The following MIPOL1 variants were observed in gnomAD, a reference collection of about 807,000 sequenced individuals.
MIPOL1 encodes the protein mirror-image polydactyly gene 1 protein.
In MIPOL1, 57 loss-of-function variants were observed where a neutral mutation model predicts 60.9. That is an observed-to-expected ratio of 0.94 (90% confidence interval 0.76 to 1.17). The LOEUF is 1.17. Among genes scored for constraint, MIPOL1 ranks in the 50% most tolerant of loss-of-function variants. The pLI is 0.00. For missense variants in MIPOL1, 551 were observed against 511.6 expected (o/e 1.08, Z -0.74); for synonymous variants, 179 against 168.8 (o/e 1.06, Z -0.47).
At chr14:37,363,042 C>T (rs2092334641) in intron 9 of MIPOL1, among the ~76,000 whole-genome samples, 1 of 152,090 alleles carries the variant, frequency 6.6e-6, no homozygotes, top group African/African-American at 2.4e-5. Context: ...GATTCCTTGC[C>T]ATGGGTTAGA....
At chr14:37,282,315 C>T (rs1478089800) in intron 6 of MIPOL1, among the ~76,000 whole-genome samples, 1 of 151,476 alleles carries the variant, frequency 6.6e-6, no homozygotes, top group East Asian at 1.9e-4. Context: ...GATATCGGCT[C>T]ACTGCAACCT....
At chr14:37,375,309 A>C (rs2092744901) in intron 10 of MIPOL1, among the ~76,000 whole-genome samples, 1 of 152,052 alleles carries the variant, frequency 6.6e-6, no homozygotes, top group Admixed American at 6.6e-5. Flanking sequence ...CCTTGGCTTA[A>C]GTGGTTCCCC....
At position 37,516,825 on chromosome 14, in the gene MIPOL1, C is replaced by G. The variant is rs913348598; in HGVS notation, c.1262+16687C>G. On this transcript the variant is annotated intron_variant, in intron 12 of 12. Coordinates refer to ENST00000684589, the MANE Select transcript of MIPOL1 (RefSeq NM_001388067.1). ...TAAACTATATTATACTTGGTTAGCA[C>G]TTTGTAGTTCATAAAATATTTAAGC... Among the ~76,000 whole-genome samples, 8 of 152,082 alleles carry G rather than the reference C, an allele frequency of 5.3e-5. No individual in the cohort carries two copies. In the East Asian group the frequency reaches 1.5e-3, roughly 29 times the overall value.
chr14:37,463,537 G>A (rs778489578), intron 11 of MIPOL1, among the ~76,000 whole-genome samples: 1 of 152,126 alleles, frequency 6.6e-6, no homozygotes, highest in African/African-American at 2.4e-5. Context: ...ACATGGTGTT[G>A]GAAAAATTGG....
At chr14:37,364,219 A>G (rs2092391665) in intron 9 of MIPOL1, among the ~76,000 whole-genome samples, 1 of 152,206 alleles carries the variant, frequency 6.6e-6, no homozygotes, top group Non-Finnish European at 1.5e-5. Flanking sequence ...TTCTACGTGG[A>G]TCACACTTGG....
intron 9 of MIPOL1, among the ~76,000 whole-genome samples, chr14:37,348,608 G>A (rs917167995): frequency 6.6e-6 from 1 of 151,570 alleles, no homozygotes; most frequent in Non-Finnish European, 1.5e-5. Context: ...CCTCTTAATG[G>A]TTATATATTA....
chr14:37,294,958 A>G (rs888725336), intron 7 of MIPOL1, among the ~76,000 whole-genome samples: 1 of 152,200 alleles, frequency 6.6e-6, no homozygotes, highest in African/African-American at 2.4e-5. Context: ...AGAGAACACC[A>G]CAAAGATACT....
At position 37,464,305 on chromosome 14, in the gene MIPOL1, C is replaced by G. The variant is rs141464497; in HGVS notation, c.1032-35603C>G. ...CTGCACTTGTGCATTTATCTCAACA[C>G]TAGTAGAGCCGTGGACTGAACCTAA... On this transcript the variant is annotated intron_variant, in intron 11 of 12. Transcript: ENST00000684589. 6.6e-3 allele frequency among the ~76,000 whole-genome samples: 1,004 copies of G among 152,224 alleles called. 4 individuals carry two copies. Among genetic ancestry groups the G allele is most frequent in the Non-Finnish European group, 0.011 (721 of 68,000 alleles).
At chr14:37,448,117 A>G (rs1406648480) in intron 11 of MIPOL1, among the ~76,000 whole-genome samples, 1 of 152,188 alleles carries the variant, frequency 6.6e-6, no homozygotes, top group Non-Finnish European at 1.5e-5. Flanking sequence ...CCAAAACGAA[A>G]ATATTTCTCT....
chr14:37,526,054 C>T (rs559582793), intron 12 of MIPOL1, among the ~76,000 whole-genome samples: 91 of 152,130 alleles, frequency 6.0e-4, no homozygotes, highest in African/African-American at 2.0e-3. Context: ...GAGAGTATGG[C>T]ATATCAAACG....
chr14:37,480,663 C>G (rs1441553792), intron 11 of MIPOL1, among the ~76,000 whole-genome samples: 1 of 152,128 alleles, frequency 6.6e-6, no homozygotes, highest in Admixed American at 6.6e-5. Context: ...AGGATGCCAG[C>G]TCTCACCATT....
chr14:37,467,700 A>G (rs1372047809), intron 11 of MIPOL1, among the ~76,000 whole-genome samples: 1 of 152,142 alleles, frequency 6.6e-6, no homozygotes, highest in Non-Finnish European at 1.5e-5. Context: ...TAACTAATTC[A>G]CAAATATTAA....
At chr14:37,396,007 A>G (rs978811402) in intron 10 of MIPOL1, among the ~76,000 whole-genome samples, 5 of 151,486 alleles carry the variant, frequency 3.3e-5, no homozygotes, top group African/African-American at 7.3e-5. Flanking sequence ...TTTACTTTCA[A>G]TGTTAGTACT....
intron 10 of MIPOL1, among the ~76,000 whole-genome samples, chr14:37,394,332 T>G (rs914863727): frequency 1.3e-5 from 2 of 151,730 alleles, no homozygotes; most frequent in Non-Finnish European, 2.9e-5. Context: ...TTTAAGGAAT[T>G]TTCACGCTGT....
chr14:37,551,079 T>A lies in MIPOL1; in HGVS notation c.*4108T>A, dbSNP rs1331672019. 2.0e-5 allele frequency: 3 copies of A among 152,138 alleles called. No homozygotes were observed. In the East Asian group the frequency reaches 5.8e-4, roughly 29 times the overall value. 9.4% of individuals were successfully genotyped at this position (152,138 alleles called of 1,614,324 possible). Reference sequence around the variant, plus strand: ...TGATATTCCTTTGCAGAAGTCTTAATATGCATAATTTTTAATCTAATTGTC... The same window carrying A: ...TGATATTCCTTTGCAGAAGTCTTAAAATGCATAATTTTTAATCTAATTGTC... On this transcript the variant is annotated 3_prime_UTR_variant, in exon 13 of 13. Transcript: ENST00000684589.
At position 37,315,842 on chromosome 14, in the gene MIPOL1, G is replaced by A. The variant is rs946549919; in HGVS notation, c.828+7323G>A. ...GTGGGACTAGATGAAACTGGGGAAA[G>A]CTCACCAAAGAGAAGAGGGGCTAAG... On this transcript the variant is annotated intron_variant, in intron 9 of 12. Coordinates refer to ENST00000684589, the MANE Select transcript of MIPOL1 (RefSeq NM_001388067.1). Among the ~76,000 whole-genome samples the A allele has an allele frequency of 2.3e-4, 35 of 152,156 alleles. 1 individual carries two copies. The highest frequency in any genetic ancestry group is 3.4e-3 in the Middle Eastern group (1 of 294).
At chr14:37,258,753 G>C (rs768355583) in intron 3 of MIPOL1, among the ~76,000 whole-genome samples, 4 of 151,926 alleles carry the variant, frequency 2.6e-5, no homozygotes, top group Admixed American at 2.0e-4. Flanking sequence ...AAATACTTAC[G>C]TACTTTAAAT....
At chr14:37,386,758 CTTAG>C (rs2093079667) in intron 10 of MIPOL1, among the ~76,000 whole-genome samples, 1 of 151,842 alleles carries the variant, frequency 6.6e-6, no homozygotes, top group Non-Finnish European at 1.5e-5. Flanking sequence ...GAATTAAGTG[CTTAG>C]TTAATTAATA....
At chr14:37,474,539 C>T (rs954513527) in intron 11 of MIPOL1, among the ~76,000 whole-genome samples, 2 of 152,184 alleles carry the variant, frequency 1.3e-5, no homozygotes, top group African/African-American at 4.8e-5. Flanking sequence ...CTTTGCTCCT[C>T]ATTCACCTTC....
Sources: allele counts gnomAD v4.1 joint callset (sites outside exome capture counted in the v4.1 genomes callset), GRCh38; gene constraint gnomAD v4.1.1; transcripts MANE v1.5; gene names NCBI Gene and HGNC (gene_info 2026-07-23, HGNC 2026-07-21).